The following KLHL34 variants were observed in gnomAD, a reference collection of about 807,000 sequenced individuals.
KLHL34 encodes kelch like family member 34.
In KLHL34, 24 loss-of-function variants were observed where a neutral mutation model predicts 23.8. The ratio of observed to expected loss-of-function variants is 1.01; its 90% CI spans 0.73 to 1.42. KLHL34 has a LOEUF of 1.42. KLHL34 is among the 40% of genes most tolerant of loss of function. KLHL34 has a pLI of 0.00. For missense variants in KLHL34, 652 were observed against 595.1 expected, an observed-to-expected ratio of 1.10 and a Z score of -0.99; for synonymous variants, 303 against 287.9, an observed-to-expected ratio of 1.05 and a Z score of -0.53.
Position 21,656,976 on chromosome X carries a change from C to A in KLHL34, c.813G>T (p.Glu271Asp). ...TCTGGGGGCTCCGGATGCTGGTCTG[C>A]TCGCCCTGCATGAGCGGCTGGCGGG... ...TPSRQPLMQG[E>D]QTSIRSPQTR... The change falls in exon 1 of 1, where the codon GAG becomes GAT. Residue 271 changes from glutamate (E) to aspartate (D), a missense_variant. Coordinates refer to ENST00000379499, the MANE Select transcript of KLHL34 (RefSeq NM_153270.3). The A allele has an allele frequency of 8.6e-7, 1 of 1,161,246 alleles. No homozygotes were observed. Among genetic ancestry groups the A allele is most frequent in the South Asian group, 2.0e-5 (1 of 49,461 alleles).
rs916760312 is a variant in KLHL34, at chrX:21,657,851, C to G, written c.-63G>C. 8.8e-7 allele frequency: 1 copy of G among 1,141,228 alleles called. No homozygotes were observed. The highest frequency in any genetic ancestry group is 1.2e-6 in the Non-Finnish European group (1 of 861,759). 94.0% of individuals were successfully genotyped at this position (1,141,228 alleles called of 1,213,427 possible). On this transcript the variant is annotated 5_prime_UTR_variant, in exon 1 of 1. Transcript: ENST00000379499. ...GCCTGCTGGGCAGGGCCGGAGGCAT[C>G]CCGGGGCACAACACTCCCGGGACCC...
rs369166783 is a variant in KLHL34 at position 21,656,347 on chromosome X, C to T, written c.1442G>A (p.Gly481Asp). Reference protein sequence around the residue: ...GDRGVVYISGGKAGRGEGGAS... With the variant: ...GDRGVVYISGDKAGRGEGGAS... ...TCCGCCCTCGCCTCTCCCTGCCTTG[C>T]CCCCCGAGATGTACACAACACCGCG... The change falls in exon 1 of 1, where the codon GGC becomes GAC. Residue 481 changes from glycine to aspartate, a missense_variant. Physicochemically the swap from Gly to Asp is moderately conservative, Grantham distance 94 (BLOSUM62 -1). Coordinates refer to ENST00000379499, the MANE Select transcript of KLHL34 (RefSeq NM_153270.3). 21 of 1,192,038 alleles carry T rather than the reference C, an allele frequency of 1.8e-5. No individual in the cohort carries two copies. The highest frequency in any genetic ancestry group is 2.4e-5 in the Non-Finnish European group (21 of 886,655).
At position 21,655,148 on chromosome X, in the gene KLHL34, A is replaced by C. The variant is rs1265510475; in HGVS notation, c.*706T>G. 1 of 111,443 alleles carries C rather than the reference A, an allele frequency of 9.0e-6. No homozygotes were observed. The highest frequency in any genetic ancestry group is 1.9e-5 in the Non-Finnish European group (1 of 53,153). 9.2% of individuals were successfully genotyped at this position (111,443 alleles called of 1,213,427 possible). A position where few individuals can be genotyped will look rare whatever the true frequency, so the allele number is the denominator to read the frequency against. ...GTGACTTAAAACCAGTGAGCTGTCT[A>C]AAGTCAGGGCAAAAGCAGCCTAGGG... On this transcript the variant is annotated 3_prime_UTR_variant, in exon 1 of 1. Coordinates refer to ENST00000379499, the MANE Select transcript of KLHL34 (RefSeq NM_153270.3).
chrX:21,657,700 T>C lies in KLHL34; in HGVS notation c.89A>G (p.Asp30Gly). 1 of 1,205,659 alleles carries C rather than the reference T, an allele frequency of 8.3e-7. No homozygotes were observed. Among genetic ancestry groups the C allele is most frequent in the Non-Finnish European group, 1.1e-6 (1 of 894,740 alleles). Residue 30 changes from aspartate to glycine, a missense_variant, in exon 1 of 1, where the codon GAC (aspartate) becomes GGC (glycine). Physicochemically the swap from Asp to Gly is moderately conservative, Grantham distance 94. Coordinates refer to ENST00000379499, the MANE Select transcript of KLHL34 (RefSeq NM_153270.3). Reference protein sequence around the residue: ...QALRAEGFLCDVTLETEGSEF... With the variant: ...QALRAEGFLCGVTLETEGSEF... The stretch of plus-strand genomic sequence containing the variant: ...GCTGCCCTCGGTCTCCAGTGTCACG[T>C]CGCACAGGAAGCCCTCGGCGCGCAG...
chrX:21,657,588 C>T lies in KLHL34; in HGVS notation c.201G>A (p.Ala67=). 1 of 1,210,650 alleles carries T rather than the reference C, an allele frequency of 8.3e-7. No individual in the cohort carries two copies. The highest frequency in any genetic ancestry group is 1.1e-6 in the Non-Finnish European group (1 of 895,232). ...LFKSHTQESR[A]RVIHLHVPSA... ...ATGGCACGTGCAGGTGGATCACGCG[C>T]GCCCGGGATTCCTGGGTGTGGCTCT... Residue 67 remains alanine, a synonymous_variant, in exon 1 of 1, where the codon GCG becomes GCA. Transcript: ENST00000379499.
In KLHL34 at chrX:21,655,626, A is replaced by T; in HGVS notation, c.*228T>A. 4.3e-6 allele frequency: 2 copies of T among 461,416 alleles called. No individual in the cohort carries two copies. Among genetic ancestry groups the T allele is most frequent in the Non-Finnish European group, 6.4e-6 (2 of 312,688 alleles). 38.0% of individuals were successfully genotyped at this position (461,416 alleles called of 1,213,427 possible). A position where few individuals can be genotyped will look rare whatever the true frequency, so the allele number is the denominator to read the frequency against. On this transcript the variant is annotated 3_prime_UTR_variant, in exon 1 of 1. Coordinates refer to ENST00000379499, the MANE Select transcript of KLHL34 (RefSeq NM_153270.3). ...TCTAAAAATTTTCTTTCACCAGCTC[A>T]CTGAAGTTGATTCATATAGCCTTCT...
Position 21,657,359 on chromosome X carries a change from C to CGG in KLHL34, c.429_430insCC (p.Ala144ProfsTer13). ...CGCTCGGCCGCGTCCAGCGTGTGAG[C>CGG]CAGGCCAAAGCGCGCTGCCACGTTG... On this transcript the variant is annotated frameshift_variant, in exon 1 of 1. Coordinates refer to ENST00000379499, the MANE Select transcript of KLHL34 (RefSeq NM_153270.3). LOFTEE classifies it high-confidence loss of function. 2 of 1,163,499 alleles carry CGG rather than the reference C, an allele frequency of 1.7e-6. No individual in the cohort carries two copies. The highest frequency in any genetic ancestry group is 2.3e-6 in the Non-Finnish European group (2 of 871,457).
Position 21,656,166 on chromosome X carries a change from G to A in KLHL34, c.1623C>T (p.Ile541=). 8.5e-7 allele frequency: 1 copy of A among 1,175,248 alleles called. No individual in the cohort carries two copies. Among genetic ancestry groups the A allele is most frequent in the Non-Finnish European group, 1.1e-6 (1 of 876,467 alleles). Residue 541 remains isoleucine (I), a synonymous_variant, in exon 1 of 1, where the codon ATC becomes ATT. Coordinates refer to ENST00000379499, the MANE Select transcript of KLHL34 (RefSeq NM_153270.3). ...GGTCGGCGCCGGGGTCGTAGCGCTC[G>A]ATCTCAGAGAAGGGCTCGTATCGCC... The part of the protein sequence containing the change: ...FLGRYEPFSE[I]ERYDPGADQW...
rs149462416 is a variant in KLHL34, at chrX:21,655,665, C to A, written c.*189G>T. On this transcript the variant is annotated 3_prime_UTR_variant, in exon 1 of 1. Coordinates refer to ENST00000379499, the MANE Select transcript of KLHL34 (RefSeq NM_153270.3). Reference sequence around the variant, plus strand: ...ATATAGCCTTCTATTTGACCCCCCGCCCCGCTGTCTCCCATTCTCAGCTCA... The same window carrying A: ...ATATAGCCTTCTATTTGACCCCCCGACCCGCTGTCTCCCATTCTCAGCTCA... 4.5e-4 allele frequency: 344 copies of A among 771,880 alleles called. 3 individuals carry two copies. The East Asian group carries it at 0.012, about 26-fold the overall frequency. The allele number at this position is 771,880 out of a possible 1,213,427, so 63.6% of individuals were successfully genotyped here. A position where few individuals can be genotyped will look rare whatever the true frequency, so the allele number is the denominator to read the frequency against.
Position 21,658,113 on chromosome X carries a change from T to G in KLHL34, c.-325A>C. The G allele has an allele frequency of 5.1e-6, 1 of 197,316 alleles. No individual in the cohort carries two copies. Among genetic ancestry groups the G allele is most frequent in the Non-Finnish European group, 1.0e-5 (1 of 99,618 alleles). The allele number at this position is 197,316 out of a possible 1,213,427, so 16.3% of individuals were successfully genotyped here. On this transcript the variant is annotated 5_prime_UTR_variant, in exon 1 of 1. Coordinates refer to ENST00000379499, the MANE Select transcript of KLHL34 (RefSeq NM_153270.3). ...TTCCAGCGCGTTGCCCGAAGTCCCCTCCCCGGCCCAATGTGGAGAGCCCAC... is the reference window on the plus strand; with the variant it reads ...TTCCAGCGCGTTGCCCGAAGTCCCCGCCCCGGCCCAATGTGGAGAGCCCAC...
rs2092733404 is a variant in KLHL34 at position 21,656,642 on chromosome X, G to C, written c.1147C>G (p.Pro383Ala). 2 of 1,211,198 alleles carry C rather than the reference G, an allele frequency of 1.7e-6. No homozygotes were observed. The highest frequency in any genetic ancestry group is 5.9e-5 in the East Asian group (2 of 33,820). ...GESPSGSASS[P>A]LADDSRVVTA... The stretch of plus-strand genomic sequence containing the variant: ...ACCACCCGCGAGTCGTCGGCCAGGG[G>C]AGAGGATGCACTGCCGGAAGGGCTC... Residue 383 changes from proline to alanine, a missense_variant, in exon 1 of 1, where the codon CCC becomes GCC. By Grantham distance (27) the Pro-to-Ala change is conservative. Transcript: ENST00000379499.
Position 21,657,407 on chromosome X carries a change from G to T in KLHL34, c.382C>A (p.Pro128Thr). 1 of 1,181,847 alleles carries T rather than the reference G, an allele frequency of 8.5e-7. No homozygotes were observed. Among genetic ancestry groups the T allele is most frequent in the Non-Finnish European group, 1.1e-6 (1 of 880,933 alleles). The part of the protein sequence containing the change: ...CGRYLERQLA[P>T]ENCCFAANVA... ...TTGGCGGCGAAGCAGCAGTTCTCTG[G>T]AGCCAGCTGGCGCTCCAAGTAGCGC... Residue 128 changes from proline to threonine, a missense_variant, in exon 1 of 1, where the codon CCA becomes ACA. Coordinates refer to ENST00000379499, the MANE Select transcript of KLHL34 (RefSeq NM_153270.3).
Position 21,657,151 on chromosome X carries a change from A to G in KLHL34, c.638T>C (p.Leu213Pro), listed in dbSNP as rs761447910. 4.2e-6 allele frequency: 5 copies of G among 1,204,011 alleles called. No homozygotes were observed. The South Asian group carries it at 7.1e-5, about 17-fold the overall frequency. Residue 213 changes from leucine (L) to proline (P), a missense_variant, in exon 1 of 1, where the codon CTG (leucine) becomes CCG (proline). Transcript: ENST00000379499. ...WLRQEPTTER[L>P]AHCTELLERV... is the part of the protein sequence containing the mutation. ...CTCCAGCAACTCTGTACAGTGTGCC[A>G]GGCGCTCAGTTGTGGGCTCCTGCCG...
chrX:21,655,052 T>C lies in KLHL34; in HGVS notation c.*802A>G, dbSNP rs1357083075. ...AAAAGAGTATGAAAGAAATCAGTTT[T>C]TGTTTTGTTTTGGTTAGACATTCCA... On this transcript the variant is annotated 3_prime_UTR_variant, in exon 1 of 1. Transcript: ENST00000379499. The C allele has an allele frequency of 8.9e-6, 1 of 111,738 alleles. No homozygotes were observed. Among genetic ancestry groups the C allele is most frequent in the African/African-American group, 3.3e-5 (1 of 30,658 alleles). 9.2% of individuals were successfully genotyped at this position (111,738 alleles called of 1,213,427 possible). A position where few individuals can be genotyped will look rare whatever the true frequency, so the allele number is the denominator to read the frequency against.
Position 21,657,225 on chromosome X carries a change from C to A in KLHL34, c.564G>T (p.Val188=). ...GTAGCCGGGCCTCGGGCACCCGCGC[C>A]ACGTCGGGGGCACCCAGTACAGCCC... is the stretch of plus-strand genomic sequence containing the variant. ...SLRAVLGAPD[V]ARVPEARLLG... Residue 188 remains valine (V), a synonymous_variant, in exon 1 of 1, where the codon GTG becomes GTT. Transcript: ENST00000379499. The A allele has an allele frequency of 8.4e-7, 1 of 1,193,522 alleles. No individual in the cohort carries two copies. The highest frequency in any genetic ancestry group is 1.1e-6 in the Non-Finnish European group (1 of 887,744).
chrX:21,656,614 G>C lies in KLHL34; in HGVS notation c.1175C>G (p.Thr392Arg), dbSNP rs2092733341. Residue 392 changes from threonine (T) to arginine (R), a missense_variant, in exon 1 of 1, where the codon ACG becomes AGG. Physicochemically the swap from Thr to Arg is moderately conservative, Grantham distance 71. Transcript: ENST00000379499. ...CGGGTCGTAACGGTGCACTTGGGCC[G>C]TGACCACCCGCGAGTCGTCGGCCAG... ...SPLADDSRVV[T>R]AQVHRYDPRF... 1.7e-6 allele frequency: 2 copies of C among 1,209,809 alleles called. No homozygotes were observed. The highest frequency in any genetic ancestry group is 2.2e-5 in the Admixed American group (1 of 46,080).
At position 21,655,735 on chromosome X, in the gene KLHL34, C is replaced by T; in HGVS notation, c.*119G>A. The T allele has an allele frequency of 9.5e-7, 1 of 1,051,637 alleles. No homozygotes were observed. Among genetic ancestry groups the T allele is most frequent in the Non-Finnish European group, 1.2e-6 (1 of 813,567 alleles). 86.7% of individuals were successfully genotyped at this position (1,051,637 alleles called of 1,213,427 possible). Reference sequence around the variant, plus strand: ...GCTCAAGGCCTTGTTTGCCTGTTAACCTTCAGAAGCCACTCTGCTCCCAGA... The same window carrying T: ...GCTCAAGGCCTTGTTTGCCTGTTAATCTTCAGAAGCCACTCTGCTCCCAGA... On this transcript the variant is annotated 3_prime_UTR_variant, in exon 1 of 1. Transcript: ENST00000379499.
In KLHL34 at chrX:21,656,940, C is replaced by T. The variant is rs1248251486; in HGVS notation, c.849G>A (p.Leu283=). The T allele has an allele frequency of 8.6e-7, 1 of 1,159,692 alleles. No homozygotes were observed. Among genetic ancestry groups the T allele is most frequent in the Non-Finnish European group, 1.2e-6 (1 of 868,974 alleles). The part of the protein sequence containing the change: ...TSIRSPQTRI[L]LVGGRRAREV... ...CCCGTGCCCTGCGCCCCCCCACCAA[C>T]AAGATGCGGGTCTGGGGGCTCCGGA... The change falls in exon 1 of 1, where the codon TTG becomes TTA. Residue 283 remains leucine (L), a synonymous_variant. Transcript: ENST00000379499.
chrX:21,656,649 T>A lies in KLHL34; in HGVS notation c.1140A>T (p.Ala380=). Residue 380 remains alanine (A), a synonymous_variant, in exon 1 of 1, where the codon GCA becomes GCT. Coordinates refer to ENST00000379499, the MANE Select transcript of KLHL34 (RefSeq NM_153270.3). The part of the protein sequence containing the change: ...VLGGESPSGS[A]SSPLADDSRV... ...GCGAGTCGTCGGCCAGGGGAGAGGA[T>A]GCACTGCCGGAAGGGCTCTCCCCAC... The A allele has an allele frequency of 8.3e-7, 1 of 1,210,912 alleles. No homozygotes were observed. Among genetic ancestry groups the A allele is most frequent in the Non-Finnish European group, 1.1e-6 (1 of 895,346 alleles).
Sources: allele counts gnomAD v4.1 joint callset, GRCh38; gene constraint gnomAD v4.1.1; transcripts MANE v1.5; gene names NCBI Gene and HGNC (gene_info 2026-07-23, HGNC 2026-07-21).